The following RSRC2 variants were observed in gnomAD, a reference collection of about 807,000 sequenced individuals.
The protein encoded by RSRC2 is arginine/serine-rich coiled-coil protein 2.
RSRC2 carries 5 observed loss-of-function variants against 61.3 expected under a neutral mutation model. That is an observed-to-expected ratio of 0.08 (90% confidence interval 0.04 to 0.17). The LOEUF (loss-of-function observed/expected upper bound fraction) is 0.17, where lower values mean the gene tolerates loss of function less well. RSRC2 is among the 10% of genes least tolerant of loss of function. RSRC2 has a pLI of 1.00. For missense variants in RSRC2, 381 were observed against 518.8 expected, an observed-to-expected ratio of 0.73 and a Z score of 2.58; for synonymous variants, 202 against 166.5, an observed-to-expected ratio of 1.21 and a Z score of -1.64.
intron 6 of RSRC2, among the ~76,000 whole-genome samples, chr12:122,513,029 T>A (rs1958640324): frequency 6.6e-6 from 1 of 151,378 alleles, no homozygotes; most frequent in South Asian, 2.1e-4. Context: ...CCGTCTCTAT[T>A]AAAAAGAAAA....
At chr12:122,513,801 G>A in intron 6 of RSRC2, 1 of 985,364 alleles carries the variant, frequency 1.0e-6, no homozygotes, top group Non-Finnish European at 1.2e-6. Flanking sequence ...TTTCTGTCAG[G>A]CTGGGTTCCC....
At position 122,515,240 on chromosome 12, in the gene RSRC2, G is replaced by A. The variant is rs750603509; in HGVS notation, c.603-13C>T. On this transcript the variant is annotated splice_polypyrimidine_tract_variant and intron_variant, in intron 5 of 9. Transcript: ENST00000331738. The stretch of plus-strand genomic sequence containing the variant: ...CTTCTTTCTATCTCTGTAGTAAATC[G>A]TATTTCATATGTCAAATTATGGCCA... 16 of 1,608,458 alleles carry A rather than the reference G, an allele frequency of 9.9e-6. No individual in the cohort carries two copies. The Admixed American group carries it at 1.0e-4, about 10-fold the overall frequency.
At chr12:122,517,039 C>T (rs745955384) in intron 5 of RSRC2, among the ~76,000 whole-genome samples, 188 bp downstream of exon 5, 17 of 152,154 alleles carry the variant, frequency 1.1e-4, no homozygotes, top group Non-Finnish European at 1.6e-4. Context: ...TTATCAATCA[C>T]GAGAATACCT....
At chr12:122,509,222 G>C (rs1016606620) in intron 7 of RSRC2, among the ~76,000 whole-genome samples, 3 of 151,902 alleles carry the variant, frequency 2.0e-5, no homozygotes, top group African/African-American at 7.3e-5. Context: ...GCCAAGACAG[G>C]CGGATCACAA....
intron 5 of RSRC2, among the ~76,000 whole-genome samples, chr12:122,516,293 A>G (rs1958919463): frequency 6.6e-6 from 1 of 152,198 alleles, no homozygotes; most frequent in South Asian, 2.1e-4. Context: ...GAATATTTAT[A>G]ATTAGTTTTC....
chr12:122,517,506 C>T, intron 4 of RSRC2, 76 bp from the exon 5 acceptor site: 3 of 1,562,042 alleles, frequency 1.9e-6, no homozygotes, highest in Non-Finnish European at 2.6e-6. Flanking sequence ...GAATTAGTTA[C>T]TTGTAGTAAC....
At chr12:122,511,313 C>G in intron 6 of RSRC2, 125 bp from the exon 7 acceptor site, 1 of 583,406 alleles carries the variant, frequency 1.7e-6, no homozygotes, top group Non-Finnish European at 2.9e-6. Context: ...TAGCATCCCT[C>G]CACCGATAGC....
At position 122,515,109 on chromosome 12, in the gene RSRC2, T is replaced by G; in HGVS notation, c.721A>C (p.Arg241=). The G allele has an allele frequency of 6.2e-7, 1 of 1,613,588 alleles. No individual in the cohort carries two copies. The highest frequency in any genetic ancestry group is 1.1e-5 in the South Asian group (1 of 90,856). The change falls in exon 6 of 10, where the codon AGA becomes CGA. Residue 241 remains arginine (R), a synonymous_variant. Coordinates refer to ENST00000331738, the MANE Select transcript of RSRC2 (RefSeq NM_023012.6). ...TGAATTAAGAAATATACACACCTTC[T>G]AGCTAAAGCTTCCTGTGCATCCATT... is the stretch of plus-strand genomic sequence containing the variant. ...TAMDAQEALA[R]RLERAKKLQE...
At chr12:122,515,290 AAATC>A in intron 5 of RSRC2, 63 bp from the exon 6 acceptor site, 2 of 1,526,554 alleles carry the variant, frequency 1.3e-6, no homozygotes, top group South Asian at 2.4e-5. Context: ...TGTTAATAAG[AAATC>A]AATTAGTTCA....
At chr12:122,522,965 T>C (rs1593423379) in intron 1 of RSRC2, 1 of 152,142 alleles carries the variant, frequency 6.6e-6, no homozygotes, top group Non-Finnish European at 1.5e-5. Context: ...TATTACAATA[T>C]AAATTTTACA....
intron 7 of RSRC2, among the ~76,000 whole-genome samples, chr12:122,510,894 A>G (rs1958456259): frequency 8.1e-6 from 1 of 123,502 alleles, no homozygotes; most frequent in Non-Finnish European, 1.7e-5. Context: ...AAAATAAGAA[A>G]AAAATTAGCC....
At chr12:122,525,210 C>T (rs945420918) in intron 1 of RSRC2, among the ~76,000 whole-genome samples, 4 of 151,940 alleles carry the variant, frequency 2.6e-5, no homozygotes, top group African/African-American at 9.7e-5. Flanking sequence ...CCCGTCTCTA[C>T]CAAAAATATA....
intron 6 of RSRC2, 77 bp from the exon 7 acceptor site, chr12:122,511,265 T>TA: frequency 9.4e-7 from 1 of 1,064,844 alleles, no homozygotes; most frequent in Non-Finnish European, 1.3e-6. Flanking sequence ...TATGTGCATG[T>TA]ACAGAGACAA....
At chr12:122,514,716 T>A (rs1024440560) in intron 6 of RSRC2, 3 of 1,165,300 alleles carry the variant, frequency 2.6e-6, no homozygotes, top group Non-Finnish European at 3.3e-6. Context: ...ACTTACTGTT[T>A]CAGGTATTTT....
At chr12:122,524,586 A>G (rs1425300556) in intron 1 of RSRC2, among the ~76,000 whole-genome samples, 2 of 152,240 alleles carry the variant, frequency 1.3e-5, no homozygotes, top group African/African-American at 4.8e-5. Context: ...TCCCTGTGAC[A>G]TAGGCTAACT....
chr12:122,515,978 G>A (rs1958884088), intron 5 of RSRC2, among the ~76,000 whole-genome samples: 1 of 152,052 alleles, frequency 6.6e-6, no homozygotes, highest in Non-Finnish European at 1.5e-5. Context: ...GACAGAGTGA[G>A]ACTCTGTCTC....
At chr12:122,523,482 C>T (rs888416387) in intron 1 of RSRC2, 12 of 152,214 alleles carry the variant, frequency 7.9e-5, no homozygotes, top group Admixed American at 3.3e-4. Flanking sequence ...CGCCACTGCC[C>T]CTCCAGCCTG....
chr12:122,510,123 G>A (rs1161485957), intron 7 of RSRC2, among the ~76,000 whole-genome samples: 3 of 152,154 alleles, frequency 2.0e-5, no homozygotes, highest in Non-Finnish European at 4.4e-5. Flanking sequence ...AGCCAGGCCT[G>A]ATAATTTTTG....
At position 122,504,073 on chromosome 12, in the gene RSRC2, C is replaced by G. The variant is rs190986922; in HGVS notation, c.*1454G>C. 2.0e-5 allele frequency: 3 copies of G among 152,028 alleles called. No individual in the cohort carries two copies. The East Asian group carries it at 5.8e-4, about 29-fold the overall frequency. 9.4% of individuals were successfully genotyped at this position (152,028 alleles called of 1,614,324 possible). A position where few individuals can be genotyped will look rare whatever the true frequency, so the allele number is the denominator to read the frequency against. ...GAAAGCAAAAAAAAAGAAAACACCCCATTACTTCATTTTCATGTATAAAAA... is the reference window on the plus strand; with the variant it reads ...GAAAGCAAAAAAAAAGAAAACACCCGATTACTTCATTTTCATGTATAAAAA... On this transcript the variant is annotated 3_prime_UTR_variant, in exon 10 of 10. Coordinates refer to ENST00000331738, the MANE Select transcript of RSRC2 (RefSeq NM_023012.6).
Sources: gnomAD v4.1 joint callset for allele counts (sites outside exome capture counted in the v4.1 genomes callset) on GRCh38, gnomAD v4.1.1 for gene constraint, MANE v1.5 for transcripts, NCBI Gene and HGNC (gene_info 2026-07-23, HGNC 2026-07-21) for gene names.